The following SGCZ variants were observed in gnomAD, a reference collection of about 807,000 sequenced individuals.
SGCZ encodes sarcoglycan zeta, also known as zeta-sarcoglycan.
Under a neutral mutation model 41.3 loss-of-function variants are expected in SGCZ, and 40 were observed. The ratio of observed to expected loss-of-function variants is 0.97; its 90% confidence interval spans 0.75 to 1.26. The LOEUF (loss-of-function observed/expected upper bound fraction) is 1.26, where lower values mean the gene tolerates loss of function less well. Ranked by LOEUF, SGCZ falls within the 50% of genes most tolerant of loss-of-function variation. The pLI is 0.00. For missense variants in SGCZ, 552 were observed against 369.8 expected (o/e 1.49, Z -4.04); for synonymous variants, 206 against 137.5 (o/e 1.50, Z -3.49).
chr8:14,537,168 C>T (rs531444360), intron 2 of SGCZ, among the ~76,000 whole-genome samples: 6 of 152,012 alleles, frequency 3.9e-5, no homozygotes, highest in Non-Finnish European at 7.4e-5. Context: ...ATAGAGTTAT[C>T]TCCTGCAGGA....
intron 4 of SGCZ, among the ~76,000 whole-genome samples, chr8:14,205,374 C>T (rs1415640092): frequency 1.3e-5 from 2 of 152,124 alleles, no homozygotes; most frequent in African/African-American, 4.8e-5. Flanking sequence ...AAGCAATCTG[C>T]TAAAATGTTT....
At chr8:14,634,774 C>G (rs1806774052) in intron 1 of SGCZ, among the ~76,000 whole-genome samples, 1 of 151,718 alleles carries the variant, frequency 6.6e-6, no homozygotes. Flanking sequence ...AAAGAAATAT[C>G]AAAGCCTAAA....
intron 2 of SGCZ, among the ~76,000 whole-genome samples, chr8:14,494,828 C>T (rs1158494836): frequency 6.6e-6 from 1 of 152,128 alleles, no homozygotes; most frequent in Non-Finnish European, 1.5e-5. Context: ...GTCTGATAGA[C>T]ATAAACCTTA....
At chr8:14,144,974 C>G (rs1803479115) in intron 5 of SGCZ, among the ~76,000 whole-genome samples, 1 of 152,156 alleles carries the variant, frequency 6.6e-6, no homozygotes, top group African/African-American at 2.4e-5. Flanking sequence ...AAATAGAACA[C>G]CAGGTAGACT....
chr8:14,110,562 G>T (rs1408591648), intron 5 of SGCZ, among the ~76,000 whole-genome samples: 1 of 151,878 alleles, frequency 6.6e-6, no homozygotes, highest in Non-Finnish European at 1.5e-5. Context: ...CCACGTAAAG[G>T]GCGAAATTTT....
intron 1 of SGCZ, among the ~76,000 whole-genome samples, chr8:14,855,128 C>G (rs1803497109): frequency 6.6e-6 from 1 of 152,012 alleles, no homozygotes; most frequent in African/African-American, 2.4e-5. Context: ...TCTTGGCTCA[C>G]TGCAACCTCT....
At chr8:14,335,615 G>T (rs1802481095) in intron 2 of SGCZ, among the ~76,000 whole-genome samples, 1 of 152,110 alleles carries the variant, frequency 6.6e-6, no homozygotes, top group African/African-American at 2.4e-5. Flanking sequence ...TCCTGCCACA[G>T]GGGAATGGCA....
chr8:14,090,899 G>A (rs1801669630), intron 7 of SGCZ, among the ~76,000 whole-genome samples: 1 of 151,804 alleles, frequency 6.6e-6, no homozygotes, highest in Non-Finnish European at 1.5e-5. Flanking sequence ...ACGCTTAAGG[G>A]GCCAACCCAG....
intron 1 of SGCZ, among the ~76,000 whole-genome samples, chr8:15,039,650 G>A (rs535746413): frequency 1.5e-4 from 23 of 152,286 alleles, no homozygotes; most frequent in African/African-American, 5.5e-4. Flanking sequence ...TCCAAAAAGA[G>A]TAAAGTGTAT....
At chr8:14,858,130 T>C (rs987045242) in intron 1 of SGCZ, among the ~76,000 whole-genome samples, 1 of 152,062 alleles carries the variant, frequency 6.6e-6, no homozygotes, top group Non-Finnish European at 1.5e-5. Flanking sequence ...TTTCAAGCTT[T>C]TTGATCTTGA....
intron 2 of SGCZ, among the ~76,000 whole-genome samples, chr8:14,430,572 ACC>A (rs1799916016): frequency 1.3e-5 from 2 of 152,030 alleles, no homozygotes; most frequent in African/African-American, 4.8e-5. Flanking sequence ...CGTATAACAA[ACC>A]CACGGCCAAC....
At chr8:14,881,663 A>G (rs1804594469) in intron 1 of SGCZ, among the ~76,000 whole-genome samples, 1 of 152,168 alleles carries the variant, frequency 6.6e-6, no homozygotes, top group Admixed American at 6.6e-5. Context: ...ACAATATTAG[A>G]CAGATCATTG....
intron 1 of SGCZ, among the ~76,000 whole-genome samples, chr8:14,836,834 T>G (rs1802716903): frequency 6.6e-6 from 1 of 152,158 alleles, no homozygotes; most frequent in African/African-American, 2.4e-5. Context: ...CAAATCAAAT[T>G]ATGTCACTTC....
At chr8:15,010,072 G>T (rs1039525025) in intron 1 of SGCZ, among the ~76,000 whole-genome samples, 2 of 152,036 alleles carry the variant, frequency 1.3e-5, no homozygotes, top group Non-Finnish European at 2.9e-5. Context: ...GACATGTGAT[G>T]TTATTTGAGA....
At chr8:14,472,092 G>C (rs1801228317) in intron 2 of SGCZ, among the ~76,000 whole-genome samples, 1 of 151,976 alleles carries the variant, frequency 6.6e-6, no homozygotes, top group South Asian at 2.1e-4. Flanking sequence ...TTGCTTCTCT[G>C]GTTTTTGCAA....
At chr8:14,525,580 A>G (rs1203110616) in intron 2 of SGCZ, among the ~76,000 whole-genome samples, 4 of 152,122 alleles carry the variant, frequency 2.6e-5, no homozygotes, top group Non-Finnish European at 5.9e-5. Context: ...ACTCTCTGCA[A>G]TTTCAATTTA....
At chr8:14,178,698 G>T (rs962203612) in intron 4 of SGCZ, among the ~76,000 whole-genome samples, 5 of 152,222 alleles carry the variant, frequency 3.3e-5, no homozygotes, top group Admixed American at 3.3e-4. Flanking sequence ...TACACAAATG[G>T]TTAACAGGAG....
chr8:14,817,112 T>C (rs1300876681), intron 1 of SGCZ, among the ~76,000 whole-genome samples: 1 of 152,182 alleles, frequency 6.6e-6, no homozygotes, highest in Non-Finnish European at 1.5e-5. Flanking sequence ...CCAGTAGTTA[T>C]ACCAACACTT....
chr8:14,894,774 G>A (rs1805132771), intron 1 of SGCZ, among the ~76,000 whole-genome samples: 1 of 151,934 alleles, frequency 6.6e-6, no homozygotes, highest in Admixed American at 6.6e-5. Flanking sequence ...AAAAAAAAGT[G>A]AATAAATAAA....
Sources: allele counts gnomAD v4.1 joint callset (sites outside exome capture counted in the v4.1 genomes callset), GRCh38; gene constraint gnomAD v4.1.1; transcripts MANE v1.5; gene names NCBI Gene and HGNC (gene_info 2026-07-23, HGNC 2026-07-21).